The following CDH18 variants were observed in gnomAD, a reference collection of about 807,000 sequenced individuals.
The protein encoded by CDH18 is cadherin-18.
A neutral mutation model predicts 67.9 loss-of-function variants in CDH18; 31 were observed. The ratio of observed to expected loss-of-function variants is 0.46; its 90% CI spans 0.34 to 0.62. The LOEUF (loss-of-function observed/expected upper bound fraction) is 0.62. Among genes scored for constraint, CDH18 ranks in the 20% least tolerant of loss-of-function variants. The pLI is 0.01. For synonymous variants in CDH18, 362 were observed against 347.2 expected (o/e 1.04, Z -0.48); for missense variants, 890 against 975.5 (o/e 0.91, Z 1.17).
At position 20,517,173 on chromosome 5, in the gene CDH18, T is replaced by A. The variant is rs182903407; in HGVS notation, c.-580+58289A>T. ...AGTCAAATTATCATCTATATCCTAA[T>A]ATGTATATATTTTATTTACTAATAA... On this transcript the variant is annotated intron_variant, in intron 1 of 14. Transcript: ENST00000507958. Among the ~76,000 whole-genome samples the A allele has an allele frequency of 2.4e-3, 364 of 152,004 alleles. 4 individuals carry two copies. Among genetic ancestry groups the A allele is most frequent in the African/African-American group, 8.2e-3 (340 of 41,560 alleles).
intron 3 of CDH18, among the ~76,000 whole-genome samples, chr5:19,755,715 G>A (rs908662466): frequency 6.6e-5 from 10 of 151,428 alleles, no homozygotes; most frequent in Non-Finnish European, 1.0e-4. Flanking sequence ...GGAGCAAGGA[G>A]AGCCAGTCCA....
At chr5:19,752,977 G>A (rs2149675624) in intron 3 of CDH18, among the ~76,000 whole-genome samples, 1 of 152,272 alleles carries the variant, frequency 6.6e-6, no homozygotes, top group South Asian at 2.1e-4. Flanking sequence ...CATAGGAAAA[G>A]GGGGAGGACA....
At chr5:20,445,201 G>A (rs976753407) in intron 1 of CDH18, among the ~76,000 whole-genome samples, 3 of 152,114 alleles carry the variant, frequency 2.0e-5, no homozygotes, top group Admixed American at 6.6e-5. Context: ...TAGCTGTTAC[G>A]AAGACTAAGC....
intron 2 of CDH18, among the ~76,000 whole-genome samples, chr5:20,192,119 G>A (rs1334001927): frequency 1.3e-5 from 2 of 151,484 alleles, no homozygotes; most frequent in African/African-American, 2.4e-5. Context: ...GTGATATTGA[G>A]CTTTTTTTCA....
chr5:20,037,238 T>A (rs576425645), intron 2 of CDH18, among the ~76,000 whole-genome samples: 1 of 152,128 alleles, frequency 6.6e-6, no homozygotes, highest in Non-Finnish European at 1.5e-5. Context: ...GGTATGTTTT[T>A]ACAGCAGCTG....
intron 2 of CDH18, among the ~76,000 whole-genome samples, chr5:19,858,134 C>T (rs191904748): frequency 2.0e-5 from 3 of 152,098 alleles, no homozygotes; most frequent in East Asian, 1.9e-4. Context: ...TTTATCAGTA[C>T]ATTTAAGATG....
chr5:19,729,447 C>T (rs1581094572), intron 4 of CDH18, among the ~76,000 whole-genome samples: 2 of 152,286 alleles, frequency 1.3e-5, no homozygotes. Context: ...CTCATATACA[C>T]TATTACTTGA....
At chr5:20,409,379 A>C (rs571716144) in intron 1 of CDH18, among the ~76,000 whole-genome samples, 1 of 151,956 alleles carries the variant, frequency 6.6e-6, no homozygotes, top group Admixed American at 6.6e-5. Context: ...AGAAAAGTTC[A>C]AAAATATGTG....
intron 2 of CDH18, among the ~76,000 whole-genome samples, chr5:19,994,736 TATAGAG>T (rs1320951594): frequency 3.3e-4 from 3 of 8,958 alleles, no homozygotes; most frequent in Non-Finnish European, 5.5e-4. Flanking sequence ...TATATATATA[TATAGAG>T]AGAGAGAGAG....
intron 2 of CDH18, among the ~76,000 whole-genome samples, chr5:19,859,991 T>G (rs796658279): frequency 5.2e-4 from 70 of 134,860 alleles, no homozygotes; most frequent in African/African-American, 1.8e-3. Flanking sequence ...TTGCTTTGGG[T>G]GTGTGTGTGT....
At chr5:19,731,801 A>G (rs1055001020) in intron 4 of CDH18, among the ~76,000 whole-genome samples, 6 of 152,096 alleles carry the variant, frequency 3.9e-5, no homozygotes, top group Admixed American at 6.5e-5. Context: ...ATCAAGAATT[A>G]ATGCATGAGT....
chr5:20,279,690 G>T (rs1321951423), intron 1 of CDH18, among the ~76,000 whole-genome samples: 1 of 53,760 alleles, frequency 1.9e-5, no homozygotes, highest in African/African-American at 6.7e-5. Flanking sequence ...CAAAAGAGAA[G>T]CTCTGTCTCA....
chr5:20,152,994 G>A (rs1017808973), intron 2 of CDH18, among the ~76,000 whole-genome samples: 20 of 146,804 alleles, frequency 1.4e-4, no homozygotes, highest in African/African-American at 4.8e-4. Context: ...CCAGGCTGGA[G>A]TGCAGTGGTG....
chr5:20,083,238 T>A (rs1477432289), intron 2 of CDH18, among the ~76,000 whole-genome samples: 1 of 152,178 alleles, frequency 6.6e-6, no homozygotes, highest in Non-Finnish European at 1.5e-5. Flanking sequence ...GCAGATTTGC[T>A]GAGAATGAAA....
chr5:19,555,149 G>T (rs560206656), intron 8 of CDH18, among the ~76,000 whole-genome samples: 2 of 152,196 alleles, frequency 1.3e-5, no homozygotes, highest in African/African-American at 2.4e-5. Context: ...AAATGGCGGA[G>T]AGGAGGCAGG....
intron 1 of CDH18, among the ~76,000 whole-genome samples, chr5:20,430,304 C>T (rs1191716352): frequency 1.3e-5 from 2 of 152,164 alleles, no homozygotes; most frequent in African/African-American, 4.8e-5. Context: ...CCACTTTGCA[C>T]ACATTGACTC....
intron 1 of CDH18, among the ~76,000 whole-genome samples, chr5:20,255,775 T>G (rs1744189207): frequency 6.6e-6 from 1 of 152,026 alleles, no homozygotes; most frequent in Admixed American, 6.6e-5. Context: ...TTCTTTGACC[T>G]TGGTATGTCA....
intron 2 of CDH18, among the ~76,000 whole-genome samples, chr5:19,849,870 A>C (rs1462406221): frequency 6.6e-6 from 1 of 151,304 alleles, no homozygotes; most frequent in East Asian, 1.9e-4. Context: ...CCATTATCTT[A>C]TTACAGTTGT....
intron 3 of CDH18, among the ~76,000 whole-genome samples, chr5:19,823,270 G>A (rs924648759): frequency 5.3e-5 from 8 of 152,130 alleles, no homozygotes; most frequent in Admixed American, 5.2e-4. Flanking sequence ...AAAAATGATG[G>A]GATTAAGAGA....
Sources: gnomAD v4.1 joint callset for allele counts (sites outside exome capture counted in the v4.1 genomes callset) on GRCh38, gnomAD v4.1.1 for gene constraint, MANE v1.5 for transcripts, NCBI Gene and HGNC (gene_info 2026-07-23, HGNC 2026-07-21) for gene names.